Variants in ASPH observed in about 807,000 individuals in gnomAD.
The protein encoded by ASPH is aspartate beta-hydroxylase, also known as aspartyl/asparaginyl beta-hydroxylase.
In ASPH, 100 loss-of-function variants were observed where a neutral mutation model predicts 118.4. That is an observed-to-expected ratio of 0.84 (90% CI 0.72 to 1.00). The LOEUF is 1.00. ASPH is among the 50% of genes least tolerant of loss of function. The pLI is 0.00. For synonymous variants in ASPH, 315 were observed against 325.6 expected (o/e 0.97, Z 0.35); for missense variants, 920 against 919.5 (o/e 1.00, Z -0.01).
chr8:61,705,662 A>C lies in ASPH; in HGVS notation c.103+8607T>G, dbSNP rs73682348. Among the ~76,000 whole-genome samples, 900 of 152,310 alleles carry C rather than the reference A, an allele frequency of 5.9e-3. 9 individuals are homozygous for C. The highest frequency in any genetic ancestry group is 0.02 in the African/African-American group (851 of 41,568). Reference sequence around the variant, plus strand: ...TTGAGAGAACTTTACAGGGTGATGAAAATATTCTCTATCCTAATAGGTTAT... The same window carrying C: ...TTGAGAGAACTTTACAGGGTGATGACAATATTCTCTATCCTAATAGGTTAT... On this transcript the variant is annotated intron_variant, in intron 1 of 24. Transcript: ENST00000379454.
intron 21 of ASPH, among the ~76,000 whole-genome samples, chr8:61,535,497 A>G (rs1297645809): frequency 6.6e-6 from 1 of 152,234 alleles, no homozygotes; most frequent in Non-Finnish European, 1.5e-5. Flanking sequence ...GGAAATTGAG[A>G]AAAGTCCCAG....
chr8:61,567,126 C>G (rs1399570721), intron 17 of ASPH, 42 bp downstream of exon 17: 1 of 1,600,956 alleles, frequency 6.2e-7, no homozygotes, highest in African/African-American at 1.3e-5. Flanking sequence ...CAAGATAAAA[C>G]ATATGCCATT....
chr8:61,619,701 A>G (rs1850245226), intron 13 of ASPH, among the ~76,000 whole-genome samples: 1 of 152,200 alleles, frequency 6.6e-6, no homozygotes, highest in Non-Finnish European at 1.5e-5. Flanking sequence ...AAACAACAGC[A>G]TATGAGCTGA....
At chr8:61,525,785 G>A (rs1405842256) in intron 22 of ASPH, among the ~76,000 whole-genome samples, 192 bp downstream of exon 22, 1 of 152,112 alleles carries the variant, frequency 6.6e-6, no homozygotes, top group African/African-American at 2.4e-5. Context: ...AATATACCTG[G>A]ACACATACAA....
intron 22 of ASPH, among the ~76,000 whole-genome samples, chr8:61,525,077 T>G (rs532138248): frequency 6.6e-6 from 1 of 152,340 alleles, no homozygotes; most frequent in South Asian, 2.1e-4. Flanking sequence ...AAGTAGTTCC[T>G]CTTATTCTTA....
chr8:61,689,778 C>T, intron 1 of ASPH: 1 of 1,507,846 alleles, frequency 6.6e-7, no homozygotes, highest in Non-Finnish European at 8.9e-7. Flanking sequence ...GTTTTAGGCA[C>T]ACTGCATGCA....
intron 14 of ASPH, among the ~76,000 whole-genome samples, chr8:61,605,614 G>A (rs1018364670): frequency 6.6e-6 from 1 of 152,168 alleles, no homozygotes; most frequent in Non-Finnish European, 1.5e-5. Context: ...GAATTCATAT[G>A]CCTATAAGGA....
chr8:61,540,027 T>C (rs548850912), intron 21 of ASPH, among the ~76,000 whole-genome samples: 1 of 152,256 alleles, frequency 6.6e-6, no homozygotes, highest in East Asian at 1.9e-4. Flanking sequence ...AGGCACTTGG[T>C]GCTTTGATAG....
chr8:61,696,384 C>A (rs750286462), intron 1 of ASPH, among the ~76,000 whole-genome samples: 4 of 152,180 alleles, frequency 2.6e-5, no homozygotes, highest in Admixed American at 1.3e-4. Context: ...CCTTTACTAT[C>A]CTTTAGAATA....
intron 18 of ASPH, 148 bp from the exon 19 acceptor site, chr8:61,556,170 CT>C: frequency 1.5e-6 from 1 of 651,880 alleles, no homozygotes; most frequent in Non-Finnish European, 2.6e-6. Context: ...CACCATAGTA[CT>C]TTGTCTCATG....
chr8:61,552,392 AC>A (rs1418840636), intron 20 of ASPH, among the ~76,000 whole-genome samples: 1 of 152,268 alleles, frequency 6.6e-6, no homozygotes, highest in African/African-American at 2.4e-5. Flanking sequence ...GGTAACCATT[AC>A]AAAGGAAACA....
chr8:61,538,737 T>C (rs1316069661), intron 21 of ASPH, among the ~76,000 whole-genome samples: 3 of 152,210 alleles, frequency 2.0e-5, no homozygotes, highest in African/African-American at 7.2e-5. Flanking sequence ...TGGCAAAATA[T>C]TACTGGGCAC....
chr8:61,560,951 G>A (rs1172223976), intron 18 of ASPH, among the ~76,000 whole-genome samples: 1 of 151,646 alleles, frequency 6.6e-6, no homozygotes, highest in Non-Finnish European at 1.5e-5. Flanking sequence ...GTGCAGGAAG[G>A]TAGGAAGCGA....
chr8:61,620,041 T>TATAA (rs1223344963), intron 13 of ASPH, among the ~76,000 whole-genome samples: 12 of 152,334 alleles, frequency 7.9e-5, no homozygotes, highest in African/African-American at 2.9e-4. Flanking sequence ...CATTCATTCA[T>TATAA]ATAAAACATT....
chr8:61,653,030 C>T (rs368192404), intron 4 of ASPH, among the ~76,000 whole-genome samples: 3 of 152,244 alleles, frequency 2.0e-5, no homozygotes, highest in East Asian at 1.9e-4. Context: ...AAATATTTCA[C>T]GACTTTCCTA....
chr8:61,663,768 A>C, intron 3 of ASPH: 1 of 974,388 alleles, frequency 1.0e-6, no homozygotes, highest in Non-Finnish European at 1.2e-6. Flanking sequence ...GATATTCTCT[A>C]GGATTTCTTC....
chr8:61,692,422 T>C (rs1832849704), intron 1 of ASPH, among the ~76,000 whole-genome samples: 1 of 152,186 alleles, frequency 6.6e-6, no homozygotes, highest in South Asian at 2.1e-4. Context: ...TGACACTAAG[T>C]TAACTATTCC....
chr8:61,547,256 A>G lies in ASPH; in HGVS notation c.1764+815T>C, dbSNP rs146274867. On this transcript the variant is annotated intron_variant, in intron 21 of 24. Coordinates refer to ENST00000379454, the MANE Select transcript of ASPH (RefSeq NM_004318.4). The stretch of plus-strand genomic sequence containing the variant: ...TAACCTACTAATATAAAACCTTCCA[A>G]TTATTTTTATAGCTATTTAGAATCA... Among the ~76,000 whole-genome samples, 629 of 152,308 alleles carry G rather than the reference A, an allele frequency of 4.1e-3. 13 individuals carry two copies. Among genetic ancestry groups the G allele is most frequent in the Admixed American group, 0.039 (592 of 15,284 alleles).
At position 61,518,014 on chromosome 8, in the gene ASPH, G is replaced by T. The variant is rs930059629; in HGVS notation, c.1992+18C>A. 4 of 1,594,190 alleles carry T rather than the reference G, an allele frequency of 2.5e-6. No homozygotes were observed. The highest frequency in any genetic ancestry group is 3.4e-6 in the Non-Finnish European group (4 of 1,163,042). On this transcript the variant is annotated intron_variant, in intron 23 of 24. Coordinates refer to ENST00000379454, the MANE Select transcript of ASPH (RefSeq NM_004318.4). ...CTAACAATTAATTGTATTCTCCCCAGCACGACACTCTTGGTACCTGTCCTC... is the reference window on the plus strand; with the variant it reads ...CTAACAATTAATTGTATTCTCCCCATCACGACACTCTTGGTACCTGTCCTC...
Sources: allele counts gnomAD v4.1 joint callset (sites outside exome capture counted in the v4.1 genomes callset), GRCh38; gene constraint gnomAD v4.1.1; transcripts MANE v1.5; gene names NCBI Gene and HGNC (gene_info 2026-07-23, HGNC 2026-07-21).